Variants in BNC2 observed in about 807,000 individuals in gnomAD.
BNC2 encodes basonuclin zinc finger protein 2.
Under a neutral mutation model 76.3 loss-of-function variants are expected in BNC2, and 20 were observed. That is an observed-to-expected ratio of 0.26 (90% CI 0.18 to 0.38). The LOEUF (loss-of-function observed/expected upper bound fraction) is 0.38, where lower values mean the gene tolerates loss of function less well. BNC2 is among the 10% of genes least tolerant of loss of function. The pLI is 1.00. For missense variants in BNC2, 1,382 were observed against 1,399.8 expected (o/e 0.99, Z 0.20); for synonymous variants, 582 against 514.8 (o/e 1.13, Z -1.77).
chr9:16,671,337 A>G (rs1822471937), intron 3 of BNC2, among the ~76,000 whole-genome samples: 1 of 152,248 alleles, frequency 6.6e-6, no homozygotes. Flanking sequence ...AAGCAATGAA[A>G]TAACTCACAG....
chr9:16,535,144 T>C (rs907383616), intron 5 of BNC2, among the ~76,000 whole-genome samples: 1 of 152,178 alleles, frequency 6.6e-6, no homozygotes, highest in Non-Finnish European at 1.5e-5. Flanking sequence ...GAAATGAAAC[T>C]AGGAAATCCA....
intron 3 of BNC2, among the ~76,000 whole-genome samples, chr9:16,613,893 C>A (rs1182556496): frequency 6.6e-6 from 1 of 152,030 alleles, no homozygotes; most frequent in Non-Finnish European, 1.5e-5. Flanking sequence ...CAATTAATTG[C>A]CTCGATGACA....
chr9:16,552,149 C>G (rs1217800540), intron 5 of BNC2, among the ~76,000 whole-genome samples: 1 of 152,078 alleles, frequency 6.6e-6, no homozygotes, highest in Non-Finnish European at 1.5e-5. Flanking sequence ...AGAAAAAGCC[C>G]TAATAAACCC....
intron 3 of BNC2, among the ~76,000 whole-genome samples, chr9:16,665,657 C>G (rs1271635435): frequency 6.6e-6 from 1 of 152,072 alleles, no homozygotes; most frequent in Admixed American, 6.6e-5. Flanking sequence ...AAGACTGATT[C>G]AGAGATATGA....
At chr9:16,682,049 G>C (rs928926521) in intron 3 of BNC2, among the ~76,000 whole-genome samples, 1 of 152,032 alleles carries the variant, frequency 6.6e-6, no homozygotes, top group East Asian at 1.9e-4. Context: ...AAGAGAGAGT[G>C]AACTTTTATT....
intron 1 of BNC2, among the ~76,000 whole-genome samples, chr9:16,780,004 A>G (rs1182270139): frequency 6.6e-6 from 1 of 152,082 alleles, no homozygotes; most frequent in East Asian, 1.9e-4. Context: ...TGGGAGGCCG[A>G]GGCGGGCGGA....
At chr9:16,623,672 C>A (rs1820921190) in intron 3 of BNC2, among the ~76,000 whole-genome samples, 1 of 152,152 alleles carries the variant, frequency 6.6e-6, no homozygotes, top group Non-Finnish European at 1.5e-5. Flanking sequence ...TAATGCATAA[C>A]AGATAAACAC....
chr9:16,580,106 T>C (rs1007314851), intron 4 of BNC2: 5 of 398,430 alleles, frequency 1.3e-5, no homozygotes, highest in African/African-American at 6.2e-5. Flanking sequence ...ATGCTGTGTT[T>C]CACCTCTGAG....
chr9:16,726,562 A>T (rs1374944220), intron 3 of BNC2, among the ~76,000 whole-genome samples: 102 of 13,618 alleles, frequency 7.5e-3, no homozygotes, highest in East Asian at 0.011. Context: ...AGCTTTTTAA[A>T]AAAAAAAAAA....
intron 2 of BNC2, among the ~76,000 whole-genome samples, chr9:16,729,062 A>G (rs974380150): frequency 2.0e-5 from 3 of 152,224 alleles, no homozygotes; most frequent in African/African-American, 4.8e-5. Context: ...GGAAAATTCT[A>G]TAACGTTTTC....
chr9:16,441,512 T>A (rs1357414257), intron 5 of BNC2, among the ~76,000 whole-genome samples: 1 of 152,184 alleles, frequency 6.6e-6, no homozygotes, highest in Non-Finnish European at 1.5e-5. Flanking sequence ...AAATGCCAAG[T>A]TTTTTTCTGA....
At chr9:16,750,155 T>A (rs1021621914) in intron 1 of BNC2, among the ~76,000 whole-genome samples, 1 of 152,170 alleles carries the variant, frequency 6.6e-6, no homozygotes, top group African/African-American at 2.4e-5. Flanking sequence ...CGAGAACTGA[T>A]ACCTAAAATA....
chr9:16,713,663 G>C (rs1308743440), intron 3 of BNC2, among the ~76,000 whole-genome samples: 1 of 151,976 alleles, frequency 6.6e-6, no homozygotes, highest in Non-Finnish European at 1.5e-5. Flanking sequence ...AACAGCTCCA[G>C]GGTATTTAGA....
intron 1 of BNC2, among the ~76,000 whole-genome samples, chr9:16,860,343 G>T (rs1819366629): frequency 6.6e-6 from 1 of 152,120 alleles, no homozygotes; most frequent in Admixed American, 6.6e-5. Context: ...CAGACAGAAA[G>T]ATCAATGGAA....
rs1268491763 is a variant in BNC2, at chr9:16,782,899, G to C, written c.4-44414C>G. Among the ~76,000 whole-genome samples the C allele has an allele frequency of 4.6e-5, 7 of 152,316 alleles. No homozygotes were observed. The East Asian group carries it at 1.2e-3, about 25-fold the overall frequency. ...TAATGAATGAGTGAGTAAGTGAATA[G>C]TCTACCTTAGAAGCTAGGCATGCCT... On this transcript the variant is annotated intron_variant, in intron 1 of 6. Coordinates refer to ENST00000380672, the MANE Select transcript of BNC2 (RefSeq NM_017637.6).
At chr9:16,642,248 G>C (rs566275640) in intron 3 of BNC2, among the ~76,000 whole-genome samples, 2 of 152,220 alleles carry the variant, frequency 1.3e-5, no homozygotes, top group African/African-American at 4.8e-5. Flanking sequence ...AGGAAAAGGA[G>C]AAAGAAAACA....
chr9:16,790,965 A>C (rs1322291396), intron 1 of BNC2, among the ~76,000 whole-genome samples: 5 of 152,064 alleles, frequency 3.3e-5, no homozygotes, highest in Non-Finnish European at 7.4e-5. Flanking sequence ...TGGGTCTATC[A>C]CTGGGAGACA....
intron 1 of BNC2, among the ~76,000 whole-genome samples, chr9:16,865,031 G>C (rs1230565891): frequency 4.0e-5 from 2 of 49,932 alleles, no homozygotes; most frequent in African/African-American, 1.1e-4. Flanking sequence ...TCTGGCTTTG[G>C]ACTGAAAAAA....
intron 5 of BNC2, among the ~76,000 whole-genome samples, chr9:16,460,321 A>AG (rs1221154395): frequency 6.6e-6 from 1 of 152,024 alleles, no homozygotes; most frequent in Non-Finnish European, 1.5e-5. Flanking sequence ...AGAAAAAAAA[A>AG]AAAAGTCAAA....
Sources: allele counts gnomAD v4.1 joint callset (sites outside exome capture counted in the v4.1 genomes callset), GRCh38; gene constraint gnomAD v4.1.1; transcripts MANE v1.5; gene names NCBI Gene and HGNC (gene_info 2026-07-23, HGNC 2026-07-21).